The following SOBP variants were observed in gnomAD, a reference collection of about 807,000 sequenced individuals.
SOBP encodes sine oculis binding protein homolog.
Under a neutral mutation model 53.6 loss-of-function variants are expected in SOBP, and 4 were observed. The ratio of observed to expected loss-of-function variants is 0.07; its 90% confidence interval spans 0.04 to 0.17. The LOEUF (loss-of-function observed/expected upper bound fraction) is 0.17. Among genes scored for constraint, SOBP ranks in the 10% least tolerant of loss-of-function variants. The probability of loss-of-function intolerance (pLI) is 1.00; values close to 1 mark genes in which losing one functional copy is unlikely to be tolerated. For missense variants in SOBP, 1,088 were observed against 1,204.7 expected, an observed-to-expected ratio of 0.90 and a Z score of 1.43; for synonymous variants, 584 against 522.6, an observed-to-expected ratio of 1.12 and a Z score of -1.60.
chr6:107,626,011 A>G (rs1770444494), intron 5 of SOBP, among the ~76,000 whole-genome samples: 1 of 152,240 alleles, frequency 6.6e-6, no homozygotes, highest in South Asian at 2.1e-4. Context: ...CAAATAATGA[A>G]ACTTCAAATA....
intron 3 of SOBP, among the ~76,000 whole-genome samples, chr6:107,521,508 G>A (rs1783484684): frequency 6.6e-6 from 1 of 152,070 alleles, no homozygotes; most frequent in Non-Finnish European, 1.5e-5. Flanking sequence ...TATGCAGGCA[G>A]GAATTCTTAG....
chr6:107,556,584 G>T (rs1203242135), intron 4 of SOBP, among the ~76,000 whole-genome samples: 1 of 152,186 alleles, frequency 6.6e-6, no homozygotes, highest in African/African-American at 2.4e-5. Context: ...TTTGTGAATT[G>T]GCTTGACAAA....
At chr6:107,646,423 G>T (rs1361603234) in intron 6 of SOBP, among the ~76,000 whole-genome samples, 1 of 152,222 alleles carries the variant, frequency 6.6e-6, no homozygotes, top group Admixed American at 6.5e-5. Context: ...CCAACCAGCA[G>T]CTCTGAGCCT....
At chr6:107,655,516 T>A (rs1486626104) in intron 6 of SOBP, among the ~76,000 whole-genome samples, 1 of 152,180 alleles carries the variant, frequency 6.6e-6, no homozygotes, top group Non-Finnish European at 1.5e-5. Flanking sequence ...CAGCACAAAT[T>A]GTCTACTTTA....
rs540475384 is a variant in SOBP, at chr6:107,545,824, G to T, written c.573+12214G>T. On this transcript the variant is annotated intron_variant, in intron 4 of 6. Coordinates refer to ENST00000317357, the MANE Select transcript of SOBP (RefSeq NM_018013.4). ...CATAATGACAGTCATTTCCAAAAGA[G>T]GCTGATTTTAAAACTGTGCTGAAAA... 3.3e-5 allele frequency among the ~76,000 whole-genome samples: 5 copies of T among 152,070 alleles called. No individual in the cohort carries two copies. In the East Asian group the frequency reaches 5.8e-4, roughly 18 times the overall value.
rs112866756 is a variant in SOBP at position 107,568,841 on chromosome 6, A to G, written c.574-18239A>G. ...AGATGTTATCACTCTCAGCAGGCTG[A>G]AACAGACTGAGAGAAACCTTCATGC... On this transcript the variant is annotated intron_variant, in intron 4 of 6. Coordinates refer to ENST00000317357, the MANE Select transcript of SOBP (RefSeq NM_018013.4). Among the ~76,000 whole-genome samples the G allele has an allele frequency of 3.4e-3, 516 of 152,358 alleles. 4 individuals are homozygous for G. Among genetic ancestry groups the G allele is most frequent in the African/African-American group, 0.012 (490 of 41,586 alleles).
intron 3 of SOBP, among the ~76,000 whole-genome samples, chr6:107,509,652 G>T (rs555007412): frequency 6.6e-6 from 1 of 152,140 alleles, no homozygotes; most frequent in Non-Finnish European, 1.5e-5. Context: ...GGAGTTTCCT[G>T]CTGAGCCAGC....
Position 107,659,532 on chromosome 6 carries a change from TAAAA to T in SOBP, c.*1340_*1343del, listed in dbSNP as rs5878928. ...AAAAAAATCAAAAAAGGAAGAAAAC[TAAAA>T]AAAAAAAAAATCAAATCACCTTGTG... On this transcript the variant is annotated 3_prime_UTR_variant, in exon 7 of 7. Transcript: ENST00000317357. 3.4e-5 allele frequency: 5 copies of T among 145,606 alleles called. No individual in the cohort carries two copies. Among genetic ancestry groups the T allele is most frequent in the African/African-American group, 1.3e-4 (5 of 39,050 alleles). The allele number at this position is 145,606 out of a possible 1,614,324, so 9.0% of individuals were successfully genotyped here.
At chr6:107,524,986 G>A (rs1247002548) in intron 3 of SOBP, among the ~76,000 whole-genome samples, 3 of 152,214 alleles carry the variant, frequency 2.0e-5, no homozygotes, top group Non-Finnish European at 4.4e-5. Flanking sequence ...ATGTCCTGCT[G>A]TAAAAAGCCT....
chr6:107,498,073 G>A (rs1426342377), intron 1 of SOBP, among the ~76,000 whole-genome samples: 1 of 152,038 alleles, frequency 6.6e-6, no homozygotes, highest in Non-Finnish European at 1.5e-5. Flanking sequence ...CTCTGTAACT[G>A]CGTTTAAATA....
At chr6:107,510,163 C>A (rs564265694) in intron 3 of SOBP, among the ~76,000 whole-genome samples, 2 of 152,280 alleles carry the variant, frequency 1.3e-5, no homozygotes, top group South Asian at 4.1e-4. Context: ...TCTGTTGTAG[C>A]AGAAAGACAG....
At chr6:107,556,904 A>G (rs931969767) in intron 4 of SOBP, among the ~76,000 whole-genome samples, 3 of 152,212 alleles carry the variant, frequency 2.0e-5, no homozygotes, top group Non-Finnish European at 2.9e-5. Context: ...CCAAACTAAA[A>G]CTGTGATCTA....
intron 5 of SOBP, among the ~76,000 whole-genome samples, chr6:107,630,540 CAT>C (rs1770661991): frequency 6.6e-6 from 1 of 152,192 alleles, no homozygotes. Context: ...TATTGCCTCA[CAT>C]GATATAGCCA....
chr6:107,606,469 G>A (rs556021101), intron 5 of SOBP, among the ~76,000 whole-genome samples: 14 of 152,246 alleles, frequency 9.2e-5, no homozygotes, highest in Admixed American at 7.2e-4. Context: ...GGGTGCAGCA[G>A]GGATGCAGCA....
intron 4 of SOBP, among the ~76,000 whole-genome samples, chr6:107,564,719 G>A (rs1222998578): frequency 2.0e-5 from 3 of 152,154 alleles, no homozygotes; most frequent in Non-Finnish European, 4.4e-5. Flanking sequence ...CTTTCAGGCC[G>A]ATACTTTATT....
chr6:107,522,517 G>A (rs1783540364), intron 3 of SOBP, among the ~76,000 whole-genome samples: 1 of 141,408 alleles, frequency 7.1e-6, no homozygotes, highest in Non-Finnish European at 1.5e-5. Flanking sequence ...ATGAATGAAT[G>A]ATTGGGTGTA....
intron 6 of SOBP, among the ~76,000 whole-genome samples, chr6:107,650,640 A>G (rs1047693286): frequency 2.6e-5 from 4 of 152,200 alleles, no homozygotes; most frequent in African/African-American, 9.7e-5. Flanking sequence ...AACTTAGTCA[A>G]TAAACGTTGG....
chr6:107,501,331 G>A (rs1457888924), intron 1 of SOBP, among the ~76,000 whole-genome samples: 1 of 152,196 alleles, frequency 6.6e-6, no homozygotes, highest in Non-Finnish European at 1.5e-5. Context: ...GAATGGATTT[G>A]CAGCTGGACT....
intron 4 of SOBP, among the ~76,000 whole-genome samples, chr6:107,573,266 ACCCTTAT>A: frequency 6.6e-6 from 1 of 151,992 alleles, no homozygotes; most frequent in Non-Finnish European, 1.5e-5. Context: ...TGCTGGGCAT[ACCCTTAT>A]AGTTGCATGC....
Sources: gnomAD v4.1 joint callset for allele counts (sites outside exome capture counted in the v4.1 genomes callset) on GRCh38, gnomAD v4.1.1 for gene constraint, MANE v1.5 for transcripts, NCBI Gene and HGNC (gene_info 2026-07-23, HGNC 2026-07-21) for gene names.